Variants in NTAN1 observed in about 807,000 individuals in gnomAD.
NTAN1 encodes N-terminal asparagine amidase.
In NTAN1, 32 loss-of-function variants were observed where a neutral mutation model predicts 41.9. The ratio of observed to expected loss-of-function variants is 0.76; its 90% CI spans 0.58 to 1.03. The LOEUF (loss-of-function observed/expected upper bound fraction) is 1.03, where lower values mean the gene tolerates loss of function less well. Ranked by LOEUF, NTAN1 falls within the 50% of genes least tolerant of loss-of-function variation. NTAN1 has a pLI of 0.00. For synonymous variants in NTAN1, 140 were observed against 139.5 expected (o/e 1.00, Z -0.03); for missense variants, 377 against 377.5 (o/e 1.00, Z 0.01).
chr16:15,047,670 G>T, intron 3 of NTAN1, 120 bp from the exon 4 acceptor site: 1 of 933,024 alleles, frequency 1.1e-6, no homozygotes, highest in South Asian at 1.4e-5. Context: ...GGGAAAAACG[G>T]ACAGGTCTGT....
At chr16:15,049,382 C>A (rs1204511073) in intron 1 of NTAN1, among the ~76,000 whole-genome samples, 1 of 152,074 alleles carries the variant, frequency 6.6e-6, no homozygotes, top group African/African-American at 2.4e-5. Flanking sequence ...GGAAATCTGT[C>A]CTAAGGAAAT....
rs1245133902 is a variant in NTAN1, at chr16:15,056,032, G to GGCCGCCC, written c.-68_-62dup. ...GGCGGCCCCCCGCTTTGCAGCCCCG[G>GGCCGCCC]GCCGCCCGCCGCCCCCGCCCCTCGG... is the stretch of plus-strand genomic sequence containing the variant. On this transcript the variant is annotated 5_prime_UTR_variant, in exon 1 of 10. Transcript: ENST00000287706. 3 of 823,534 alleles carry GGCCGCCC rather than the reference G, an allele frequency of 3.6e-6. No individual in the cohort carries two copies. The highest frequency in any genetic ancestry group is 3.1e-6 in the Non-Finnish European group (2 of 649,558). The allele number at this position is 823,534 out of a possible 1,614,324, so 51.0% of individuals were successfully genotyped here. A position where few individuals can be genotyped will look rare whatever the true frequency, so the allele number is the denominator to read the frequency against.
intron 4 of NTAN1, chr16:15,046,201 CAG>C (rs1252188856): frequency 6.6e-6 from 1 of 152,352 alleles, no homozygotes; most frequent in African/African-American, 2.4e-5. Flanking sequence ...GCACAGACCA[CAG>C]AGGGAGAATT....
At chr16:15,049,623 G>C (rs926617860) in intron 1 of NTAN1, among the ~76,000 whole-genome samples, 1 of 151,062 alleles carries the variant, frequency 6.6e-6, no homozygotes, top group Non-Finnish European at 1.5e-5. Context: ...ACTGGGTTTC[G>C]CCATGTTGGC....
In NTAN1 at chr16:15,048,831, C is replaced by T. The variant is rs576175156; in HGVS notation, c.82-732G>A. 5.3e-5 allele frequency among the ~76,000 whole-genome samples: 8 copies of T among 151,116 alleles called. No homozygotes were observed. In the South Asian group the frequency reaches 1.7e-3, roughly 32 times the overall value. ...TAGCGACGGGGTCTCCCTATGCTCC[C>T]CAGGCTGGTCTCAAACTCCTGGGCT... On this transcript the variant is annotated intron_variant, in intron 1 of 9. Coordinates refer to ENST00000287706, the MANE Select transcript of NTAN1 (RefSeq NM_173474.4).
chr16:15,038,354 A>AAAGTTG (rs2151679148), intron 9 of NTAN1, 144 bp from the exon 10 acceptor site: 1 of 645,026 alleles, frequency 1.6e-6, no homozygotes, highest in South Asian at 2.2e-5. Context: ...TTAGTAAGAA[A>AAAGTTG]AAAGTTGATT....
At chr16:15,051,620 A>C (rs1382462331) in intron 1 of NTAN1, among the ~76,000 whole-genome samples, 1 of 152,066 alleles carries the variant, frequency 6.6e-6, no homozygotes, top group Admixed American at 6.6e-5. Flanking sequence ...CAGTAGCTGG[A>C]ACCACAGGCG....
chr16:15,049,232 C>G (rs952814628), intron 1 of NTAN1, among the ~76,000 whole-genome samples: 2 of 152,036 alleles, frequency 1.3e-5, no homozygotes, highest in East Asian at 1.9e-4. Flanking sequence ...CCTCCCTATG[C>G]TGCCCAGGCT....
intron 7 of NTAN1, chr16:15,040,409 G>C (rs985713679): frequency 3.9e-6 from 1 of 259,090 alleles, no homozygotes; most frequent in East Asian, 8.1e-5. Context: ...AACTGTGATC[G>C]TTCTGTTTGA....
At chr16:15,040,759 G>A (rs1187233492) in intron 7 of NTAN1, among the ~76,000 whole-genome samples, 1 of 152,138 alleles carries the variant, frequency 6.6e-6, no homozygotes, top group Non-Finnish European at 1.5e-5. Flanking sequence ...CTGGGGTGCT[G>A]GGGGGAGAGG....
intron 1 of NTAN1, among the ~76,000 whole-genome samples, chr16:15,055,532 G>T (rs1343420839): frequency 6.6e-6 from 1 of 152,240 alleles, no homozygotes; most frequent in Non-Finnish European, 1.5e-5. Context: ...CCCCGAAGGC[G>T]GGCGGCCGGA....
chr16:15,055,377 C>T (rs1385798197), intron 1 of NTAN1, among the ~76,000 whole-genome samples: 1 of 152,204 alleles, frequency 6.6e-6, no homozygotes, highest in Non-Finnish European at 1.5e-5. Flanking sequence ...GCCCTACGCC[C>T]CGGGGGTAGG....
chr16:15,053,681 C>T (rs1220572538), intron 1 of NTAN1, among the ~76,000 whole-genome samples: 3 of 151,992 alleles, frequency 2.0e-5, no homozygotes, highest in Non-Finnish European at 2.9e-5. Context: ...GAGGCCGAGA[C>T]GGGCAGATCA....
At chr16:15,045,538 G>A (rs570997551) in intron 4 of NTAN1, 3 of 152,076 alleles carry the variant, frequency 2.0e-5, no homozygotes, top group Non-Finnish European at 4.4e-5. Flanking sequence ...GCGGGAGGCA[G>A]AGGTGGAAGG....
chr16:15,044,553 T>C lies in NTAN1; in HGVS notation c.360-146A>G, dbSNP rs986591790. On this transcript the variant is annotated intron_variant, in intron 4 of 9. Transcript: ENST00000287706. ...ATCTTCGTGCCACCGCAAAAGAAAG[T>C]ATCGGCAGCACACTGCCAAGGCCAG... The C allele has an allele frequency of 3.5e-5, 23 of 652,866 alleles. No homozygotes were observed. The African/African-American group carries it at 3.6e-4, about 10-fold the overall frequency. The allele number at this position is 652,866 out of a possible 1,614,324, so 40.4% of individuals were successfully genotyped here. A position where few individuals can be genotyped will look rare whatever the true frequency, so the allele number is the denominator to read the frequency against.
At chr16:15,048,191 G>C (rs1466359343) in intron 1 of NTAN1, 92 bp from the exon 2 acceptor site, 2 of 814,068 alleles carry the variant, frequency 2.5e-6, no homozygotes, top group Non-Finnish European at 4.0e-6. Context: ...GGCTCTGCGT[G>C]GGCAGCACGC....
At chr16:15,047,615 C>G (rs1207642547) in intron 3 of NTAN1, 65 bp from the exon 4 acceptor site, 2 of 1,192,148 alleles carry the variant, frequency 1.7e-6, no homozygotes, top group African/African-American at 3.0e-5. Context: ...CAGGCCGAGA[C>G]TCCGCCTGTC....
At chr16:15,052,388 G>A (rs2044329018) in intron 1 of NTAN1, among the ~76,000 whole-genome samples, 1 of 152,198 alleles carries the variant, frequency 6.6e-6, no homozygotes, top group East Asian at 1.9e-4. Flanking sequence ...ATGAGCTGTG[G>A]CTTGTTGACC....
At chr16:15,040,170 T>G (rs1218453164) in intron 7 of NTAN1, 104 bp from the exon 8 acceptor site, 14 of 632,516 alleles carry the variant, frequency 2.2e-5, no homozygotes, top group Non-Finnish European at 3.6e-5. Flanking sequence ...GATAGGAAAG[T>G]GAACAGAATG....
Sources: allele counts gnomAD v4.1 joint callset (sites outside exome capture counted in the v4.1 genomes callset), GRCh38; gene constraint gnomAD v4.1.1; transcripts MANE v1.5; gene names NCBI Gene and HGNC (gene_info 2026-07-23, HGNC 2026-07-21).